The following TMCC1 variants were observed in gnomAD, a reference collection of about 807,000 sequenced individuals.
TMCC1 encodes the protein transmembrane and coiled-coil domain family 1.
Under a neutral mutation model 52.4 loss-of-function variants are expected in TMCC1, and 15 were observed. The observed-to-expected ratio is 0.29, with a 90% CI of 0.19 to 0.44. The LOEUF (loss-of-function observed/expected upper bound fraction) is 0.44. Ranked by LOEUF, TMCC1 falls within the 20% of genes least tolerant of loss-of-function variation. TMCC1 has a pLI of 1.00. For synonymous variants in TMCC1, 279 were observed against 301.9 expected, an observed-to-expected ratio of 0.92 and a Z score of 0.79; for missense variants, 503 against 806.0, an observed-to-expected ratio of 0.62 and a Z score of 4.55.
At chr3:129,744,840 T>TA (rs1399706436) in intron 4 of TMCC1, among the ~76,000 whole-genome samples, 1 of 152,084 alleles carries the variant, frequency 6.6e-6, no homozygotes, top group Non-Finnish European at 1.5e-5. Flanking sequence ...TGAGAGGTAA[T>TA]AAAGAAGGAT....
intron 4 of TMCC1, among the ~76,000 whole-genome samples, chr3:129,797,219 A>G (rs2056888685): frequency 6.6e-6 from 1 of 152,040 alleles, no homozygotes; most frequent in South Asian, 2.1e-4. Flanking sequence ...CCAGCTACTC[A>G]GGAGGCTGAG....
chr3:129,792,436 C>T (rs541523268), intron 4 of TMCC1, among the ~76,000 whole-genome samples: 3 of 152,124 alleles, frequency 2.0e-5, no homozygotes, highest in Admixed American at 2.0e-4. Flanking sequence ...CAGCCTCTGC[C>T]TCCTGGGTTC....
chr3:129,846,125 T>G (rs1297011638), intron 2 of TMCC1, among the ~76,000 whole-genome samples: 1 of 151,938 alleles, frequency 6.6e-6, no homozygotes, highest in East Asian at 1.9e-4. Flanking sequence ...TCACAAATAC[T>G]TTAGTATTTG....
At chr3:129,708,669 T>A (rs952874229) in intron 4 of TMCC1, among the ~76,000 whole-genome samples, 2 of 152,196 alleles carry the variant, frequency 1.3e-5, no homozygotes, top group African/African-American at 4.8e-5. Context: ...AATGAAGAGG[T>A]TGAACTGGAC....
chr3:129,892,899 G>A (rs993915513), intron 1 of TMCC1, among the ~76,000 whole-genome samples: 1 of 152,128 alleles, frequency 6.6e-6, no homozygotes, highest in Non-Finnish European at 1.5e-5. Context: ...TTAACAGGGG[G>A]CATCCTGAGG....
intron 4 of TMCC1, among the ~76,000 whole-genome samples, chr3:129,734,259 A>G (rs2050763918): frequency 6.6e-6 from 1 of 152,244 alleles, no homozygotes; most frequent in Non-Finnish European, 1.5e-5. Context: ...ATATGTTATC[A>G]GTGTAAATAA....
intron 4 of TMCC1, among the ~76,000 whole-genome samples, chr3:129,769,295 A>T (rs1440454960): frequency 6.6e-6 from 1 of 152,062 alleles, no homozygotes; most frequent in Non-Finnish European, 1.5e-5. Context: ...AGTGGTGCGA[A>T]CTCGGCTCAC....
At chr3:129,771,774 C>CAAAAAAAA (rs755523077) in intron 4 of TMCC1, among the ~76,000 whole-genome samples, 3 of 75,680 alleles carry the variant, frequency 4.0e-5, no homozygotes, top group African/African-American at 7.9e-5. Context: ...GACACTGTCT[C>CAAAAAAAA]AAAAAAAAAA....
chr3:129,814,398 A>G (rs912889312), intron 4 of TMCC1, among the ~76,000 whole-genome samples: 4 of 149,418 alleles, frequency 2.7e-5, no homozygotes, highest in African/African-American at 7.3e-5. Flanking sequence ...ACAAAAACCT[A>G]TAACAGATTC....
intron 4 of TMCC1, among the ~76,000 whole-genome samples, chr3:129,757,326 G>T (rs1333036006): frequency 6.6e-6 from 1 of 151,966 alleles, no homozygotes; most frequent in Non-Finnish European, 1.5e-5. Context: ...GCCACCTCCA[G>T]TCTTCCCACT....
At chr3:129,789,818 T>A (rs1409471844) in intron 4 of TMCC1, among the ~76,000 whole-genome samples, 1 of 152,194 alleles carries the variant, frequency 6.6e-6, no homozygotes, top group Non-Finnish European at 1.5e-5. Flanking sequence ...AACAAACTGA[T>A]ACCAAGTGAC....
At chr3:129,845,941 C>T (rs183338245) in intron 2 of TMCC1, among the ~76,000 whole-genome samples, 72 of 151,520 alleles carry the variant, frequency 4.8e-4, no homozygotes, top group African/African-American at 1.2e-3. Context: ...GGCTGAGGTG[C>T]GAGGATTGTT....
chr3:129,830,479 G>C (rs1344627805), intron 3 of TMCC1, among the ~76,000 whole-genome samples: 1 of 152,130 alleles, frequency 6.6e-6, no homozygotes, highest in African/African-American at 2.4e-5. Flanking sequence ...GAGGAAAAGG[G>C]CTAATGTAAC....
intron 2 of TMCC1, among the ~76,000 whole-genome samples, chr3:129,864,753 CA>C (rs1353589370): frequency 6.6e-6 from 1 of 152,028 alleles, no homozygotes; most frequent in Non-Finnish European, 1.5e-5. Context: ...ACAAAACAAA[CA>C]AAAAAGAATT....
chr3:129,651,799 T>G lies in TMCC1; in HGVS notation c.1648-4A>C. Reference sequence around the variant, plus strand: ...TCTGGCATGCCTCCAGGGCCTCCTGTGGGCCAGAACAGGGAAGAGTTAAGC... The same window carrying G: ...TCTGGCATGCCTCCAGGGCCTCCTGGGGGCCAGAACAGGGAAGAGTTAAGC... On this transcript the variant is annotated splice_polypyrimidine_tract_variant and splice_region_variant and intron_variant, in intron 6 of 6. Coordinates refer to ENST00000393238, the MANE Select transcript of TMCC1 (RefSeq NM_001017395.5). This position sits in a 1 kb window ranked among gnomAD's most constrained non-coding sequence, Gnocchi z 5.1. 6.2e-7 allele frequency: 1 copy of G among 1,611,916 alleles called. No individual in the cohort carries two copies. The highest frequency in any genetic ancestry group is 8.5e-7 in the Non-Finnish European group (1 of 1,178,782).
intron 4 of TMCC1, among the ~76,000 whole-genome samples, chr3:129,749,791 C>A (rs972594466): frequency 6.6e-6 from 1 of 152,156 alleles, no homozygotes; most frequent in African/African-American, 2.4e-5. Flanking sequence ...CAGAAACACA[C>A]AAATACAGAA....
intron 4 of TMCC1, among the ~76,000 whole-genome samples, chr3:129,695,439 A>G (rs539239604): frequency 1.0e-3 from 152 of 152,276 alleles, no homozygotes; most frequent in African/African-American, 3.4e-3. Context: ...TTTATAAAGG[A>G]AAGAGGTTTA....
chr3:129,861,570 A>G (rs1333173229), intron 2 of TMCC1, among the ~76,000 whole-genome samples: 1 of 152,248 alleles, frequency 6.6e-6, no homozygotes, highest in African/African-American at 2.4e-5. Flanking sequence ...AAGAATTCAA[A>G]TAAACATTTC....
chr3:129,763,055 G>A lies in TMCC1; in HGVS notation c.576+64748C>T, dbSNP rs560547278. 1.1e-4 allele frequency among the ~76,000 whole-genome samples: 17 copies of A among 151,274 alleles called. No homozygotes were observed. The South Asian group carries it at 3.0e-3, about 26-fold the overall frequency. On this transcript the variant is annotated intron_variant, in intron 4 of 6. Transcript: ENST00000393238. ...CTACTAAAAATACAAAAAATTAGCC[G>A]GGCGTAGTAGCAGGTGCCTGTAGTC...
Sources: allele counts gnomAD v4.1 joint callset (sites outside exome capture counted in the v4.1 genomes callset), GRCh38; gene constraint gnomAD v4.1.1; non-coding constraint Gnocchi (gnomAD v3.1); transcripts MANE v1.5; gene names NCBI Gene and HGNC (gene_info 2026-07-23, HGNC 2026-07-21).